IL7: variants seen among roughly 807,000 people sequenced by gnomAD.
IL7 encodes interleukin 7, also known as interleukin-7.
IL7 carries 3 observed loss-of-function variants against 21.6 expected under a neutral mutation model. The observed-to-expected ratio is 0.14, with a 90% CI of 0.06 to 0.36. The LOEUF is 0.36. Ranked by LOEUF, IL7 falls within the 10% of genes least tolerant of loss-of-function variation. The pLI is 1.00. For synonymous variants in IL7, 62 were observed against 68.1 expected, an observed-to-expected ratio of 0.91 and a Z score of 0.44; for missense variants, 175 against 200.2, an observed-to-expected ratio of 0.87 and a Z score of 0.76.
At chr8:78,734,483 G>A (rs1475512741) in intron 5 of IL7, among the ~76,000 whole-genome samples, 2 of 152,218 alleles carry the variant, frequency 1.3e-5, no homozygotes, top group South Asian at 2.1e-4. Flanking sequence ...AATAGTGCAG[G>A]GTAGAGTAAT....
At chr8:78,686,786 A>G (rs146130482) in intron 3 of IL7, among the ~76,000 whole-genome samples, 80 of 152,292 alleles carry the variant, frequency 5.3e-4, no homozygotes, top group Middle Eastern at 3.4e-3. Flanking sequence ...AAAGACATTA[A>G]TTTAGAACAT....
At chr8:78,735,418 T>TTC (rs1197046338) in intron 5 of IL7, among the ~76,000 whole-genome samples, 2 of 151,712 alleles carry the variant, frequency 1.3e-5, no homozygotes, top group Admixed American at 1.3e-4. Flanking sequence ...GTTCAAGTGA[T>TTC]TCTCCTGCCT....
chr8:78,681,105 A>C (rs1207289562), intron 4 of IL7, among the ~76,000 whole-genome samples: 2 of 151,310 alleles, frequency 1.3e-5, no homozygotes, highest in Non-Finnish European at 2.9e-5. Flanking sequence ...TTCTCATAGG[A>C]TCTGAGGGAA....
intron 2 of IL7, among the ~76,000 whole-genome samples, chr8:78,792,330 T>C (rs1813723939): frequency 6.6e-6 from 1 of 152,080 alleles, no homozygotes; most frequent in Non-Finnish European, 1.5e-5. Context: ...ACTATAAAGC[T>C]CTTAGAATAA....
At chr8:78,751,131 G>A (rs1812156510) in intron 2 of IL7, among the ~76,000 whole-genome samples, 2 of 149,174 alleles carry the variant, frequency 1.3e-5, no homozygotes, top group South Asian at 4.2e-4. Flanking sequence ...GAATATCTAA[G>A]AACTGTGGGA....
chr8:78,685,818 T>G (rs1809950227), intron 4 of IL7: 6 of 152,236 alleles, frequency 3.9e-5, no homozygotes, highest in Admixed American at 3.9e-4. Context: ...ACTGTGTTAG[T>G]CTCTTTTCTG....
chr8:78,766,521 GTTT>G (rs1236023634), intron 2 of IL7, among the ~76,000 whole-genome samples: 1 of 151,936 alleles, frequency 6.6e-6, no homozygotes, highest in Non-Finnish European at 1.5e-5. Flanking sequence ...CATATATAGG[GTTT>G]TATGAGGGTA....
intron 6 of IL7, chr8:78,718,338 G>A (rs1328815537): frequency 6.6e-6 from 1 of 151,766 alleles, no homozygotes; most frequent in African/African-American, 2.4e-5. Flanking sequence ...TAATATAGAA[G>A]GCACAGAATT....
intron 2 of IL7, among the ~76,000 whole-genome samples, chr8:78,742,544 T>G (rs1005627720): frequency 6.6e-6 from 1 of 152,154 alleles, no homozygotes; most frequent in Non-Finnish European, 1.5e-5. Flanking sequence ...CTTTTAACTC[T>G]TATAGTAGAG....
exon 5 of IL7, chr8:78,675,955 A>G: frequency 8.7e-7 from 1 of 1,148,448 alleles, no homozygotes; most frequent in Non-Finnish European, 1.3e-6. Flanking sequence ...TTTACGTGGA[A>G]TAGTTTTTGA....
intron 4 of IL7, among the ~76,000 whole-genome samples, chr8:78,680,904 G>A (rs1303981327): frequency 6.6e-6 from 1 of 152,134 alleles, no homozygotes; most frequent in Non-Finnish European, 1.5e-5. Flanking sequence ...GTAGGAATTT[G>A]GATAGCTACC....
chr8:78,761,653 G>C, intron 2 of IL7: 1 of 1,611,992 alleles, frequency 6.2e-7, no homozygotes, highest in African/African-American at 1.3e-5. Context: ...TGGAAAAGAC[G>C]TGTGAGTCTC....
At chr8:78,720,170 CAT>C (rs936348128) in intron 5 of IL7, among the ~76,000 whole-genome samples, 31 of 151,722 alleles carry the variant, frequency 2.0e-4, no homozygotes, top group African/African-American at 7.5e-4. Context: ...TCAGATTAGA[CAT>C]GTTTGATTTT....
At chr8:78,741,914 G>T (rs569146705) in intron 2 of IL7, among the ~76,000 whole-genome samples, 1 of 152,228 alleles carries the variant, frequency 6.6e-6, no homozygotes, top group African/African-American at 2.4e-5. Flanking sequence ...GTGTTGAAAA[G>T]AAACTTAGAT....
At chr8:78,706,231 G>C (rs1810767759) in intron 3 of IL7, among the ~76,000 whole-genome samples, 1 of 152,154 alleles carries the variant, frequency 6.6e-6, no homozygotes, top group South Asian at 2.1e-4. Flanking sequence ...GTCTTATCCT[G>C]TGAGGTGTTA....
rs768135973 is a variant in IL7, at chr8:78,733,743, A to G, written c.504T>C (p.Asn168=). Residue 168 remains asparagine (N), a synonymous_variant, in exon 6 of 6, where the codon AAT becomes AAC. Transcript: ENST00000263851. ...RLLQEIKTCW[N]KILMGTKEH The stretch of plus-strand genomic sequence containing the variant: ...GTTCTTTAGTGCCCATCAAAATTTT[A>G]TTCCAACAAGTTTTTATCTCTTGTA... 4 of 1,601,070 alleles carry G rather than the reference A, an allele frequency of 2.5e-6. No individual in the cohort carries two copies. The highest frequency in any genetic ancestry group is 3.4e-6 in the Non-Finnish European group (4 of 1,175,690).
intron 2 of IL7, chr8:78,762,021 TG>T: frequency 6.2e-7 from 1 of 1,601,436 alleles, no homozygotes. Context: ...TTCTGAGCAT[TG>T]CTATTGTTGG....
At chr8:78,713,934 T>G (rs1046134926), downstream of IL7, among the ~76,000 whole-genome samples, 2 of 152,154 alleles carry the variant, frequency 1.3e-5, no homozygotes, top group African/African-American at 4.8e-5. Flanking sequence ...TAGTGGCTGT[T>G]TGAAAAATAG....
Position 78,736,511 on chromosome 8 carries a change from G to C in IL7, c.377C>G (p.Pro126Arg), listed in dbSNP as rs2130674264. 1 of 1,599,840 alleles carries C rather than the reference G, an allele frequency of 6.3e-7. No homozygotes were observed. Among genetic ancestry groups the C allele is most frequent in the Non-Finnish European group, 8.5e-7 (1 of 1,170,366 alleles). ...NCTGQVKGRK[P>R]AALGEAQPTK... ...TGGTTGGGCTTCACCCAGGGCAGCT[G>C]GTTTTCTTCCTTTAACCTTAAAAAC... Residue 126 changes from proline to arginine, a missense_variant, in exon 5 of 6, where the codon CCA (proline) becomes CGA (arginine). Physicochemically the swap from Pro to Arg is moderately radical, Grantham distance 103. Transcript: ENST00000263851.
Sources: gnomAD v4.1 joint callset for allele counts (sites outside exome capture counted in the v4.1 genomes callset) on GRCh38, gnomAD v4.1.1 for gene constraint, MANE v1.5 for transcripts, NCBI Gene and HGNC (gene_info 2026-07-23, HGNC 2026-07-21) for gene names.